PAPOLA: variants seen among roughly 807,000 people sequenced by gnomAD.
The protein encoded by PAPOLA is poly(A) polymerase alpha.
In PAPOLA, 15 loss-of-function variants were observed where a neutral mutation model predicts 100.6. The observed-to-expected ratio is 0.15, with a 90% CI of 0.10 to 0.23. The LOEUF is 0.23. PAPOLA is among the 10% of genes least tolerant of loss of function. The pLI, the probability that PAPOLA is intolerant of heterozygous loss-of-function variation, is 1.00. For synonymous variants in PAPOLA, 293 were observed against 300.0 expected (o/e 0.98, Z 0.24); for missense variants, 533 against 884.2 (o/e 0.60, Z 5.04).
At chr14:96,550,963 G>A (rs979714712) in intron 16 of PAPOLA, among the ~76,000 whole-genome samples, 3 of 152,206 alleles carry the variant, frequency 2.0e-5, no homozygotes, top group Non-Finnish European at 4.4e-5. Context: ...CTGAGGGGTT[G>A]AGAACCTTGC....
At chr14:96,548,481 C>T (rs894702124) in intron 16 of PAPOLA, among the ~76,000 whole-genome samples, 1 of 152,032 alleles carries the variant, frequency 6.6e-6, no homozygotes, top group Non-Finnish European at 1.5e-5. Context: ...CTTATTTGGA[C>T]TTTAGTGAGC....
At chr14:96,516,829 T>C (rs903891966) in intron 1 of PAPOLA, among the ~76,000 whole-genome samples, 2 of 152,232 alleles carry the variant, frequency 1.3e-5, no homozygotes, top group Non-Finnish European at 2.9e-5. Flanking sequence ...ACAAGTCTTG[T>C]GCGCGTTTAG....
chr14:96,532,166 T>G (rs1899077456), intron 7 of PAPOLA, 165 bp from the exon 8 acceptor site: 2 of 1,399,226 alleles, frequency 1.4e-6, no homozygotes, highest in Admixed American at 3.4e-5. Flanking sequence ...GAATTAGCTT[T>G]ACTGGTTCTA....
chr14:96,547,700 GA>G, intron 15 of PAPOLA, 96 bp from the exon 16 acceptor site: 7 of 898,554 alleles, frequency 7.8e-6, no homozygotes, highest in African/African-American at 1.7e-5. Flanking sequence ...AGTATTGATG[GA>G]AAAAGGATCC....
chr14:96,550,044 A>C (rs1900717428), intron 16 of PAPOLA, among the ~76,000 whole-genome samples: 1 of 152,178 alleles, frequency 6.6e-6, no homozygotes, highest in African/African-American at 2.4e-5. Flanking sequence ...GCTACTTGAG[A>C]GGCTGAGGTG....
At chr14:96,562,739 A>T in intron 20 of PAPOLA, 80 bp from the exon 21 acceptor site, 1 of 797,102 alleles carries the variant, frequency 1.3e-6, no homozygotes, top group Non-Finnish European at 2.1e-6. Context: ...TGTCTTCTTT[A>T]TTAGCCACCA....
intron 18 of PAPOLA, 110 bp downstream of exon 18, chr14:96,556,057 C>T: frequency 8.6e-7 from 1 of 1,161,332 alleles, no homozygotes; most frequent in Non-Finnish European, 1.3e-6. Flanking sequence ...TTTTAAATGC[C>T]AGTTTATTTT....
At chr14:96,505,047 A>G (rs1012743038) in intron 1 of PAPOLA, among the ~76,000 whole-genome samples, 2 of 152,174 alleles carry the variant, frequency 1.3e-5, no homozygotes, top group African/African-American at 4.8e-5. Context: ...TTTCATATGT[A>G]GCTACAAACA....
chr14:96,523,777 T>C (rs1195868503), intron 3 of PAPOLA, among the ~76,000 whole-genome samples: 1 of 152,144 alleles, frequency 6.6e-6, no homozygotes, highest in African/African-American at 2.4e-5. Flanking sequence ...ACCCTGTCTC[T>C]ACTAAAAATA....
At chr14:96,531,761 C>T (rs1899040259) in intron 7 of PAPOLA, 175 bp downstream of exon 7, 27 of 1,455,740 alleles carry the variant, frequency 1.9e-5, no homozygotes, top group Non-Finnish European at 2.2e-5. Flanking sequence ...TTATTTCACT[C>T]TACAGTATTT....
chr14:96,561,829 T>TG (rs201527866), intron 20 of PAPOLA, among the ~76,000 whole-genome samples: 2 of 103,002 alleles, frequency 1.9e-5, no homozygotes, highest in Admixed American at 8.8e-5. Flanking sequence ...CAATATTTCG[T>TG]TTTTTTTTTT....
chr14:96,552,575 T>C lies in PAPOLA; in HGVS notation c.1617T>C (p.Thr539=). 4 of 1,614,106 alleles carry C rather than the reference T, an allele frequency of 2.5e-6. No individual in the cohort carries two copies. The highest frequency in any genetic ancestry group is 4.5e-5 in the East Asian group (2 of 44,874). The change falls in exon 17 of 22, where the codon ACT becomes ACC. Residue 539 remains threonine (T), a synonymous_variant. Coordinates refer to ENST00000216277, the MANE Select transcript of PAPOLA (RefSeq NM_032632.5). ...ACAGCATGTCTGTGCCTTCACCTACTAGTGCTACGAAGACCAGTCCATTGA... is the reference window on the plus strand; with the variant it reads ...ACAGCATGTCTGTGCCTTCACCTACCAGTGCTACGAAGACCAGTCCATTGA... ...SDNSMSVPSP[T]SATKTSPLNS...
chr14:96,547,343 ATTAG>A (rs942372688), intron 15 of PAPOLA, among the ~76,000 whole-genome samples: 6 of 152,060 alleles, frequency 3.9e-5, no homozygotes, highest in Non-Finnish European at 5.9e-5. Context: ...AAAGTATGTC[ATTAG>A]TTAGTTTTAT....
intron 9 of PAPOLA, chr14:96,534,193 A>G (rs1899317757): frequency 1.7e-6 from 2 of 1,168,768 alleles, no homozygotes; most frequent in African/African-American, 1.6e-5. Flanking sequence ...GTTGAAGTGG[A>G]CACATCATTA....
intron 9 of PAPOLA, chr14:96,532,900 G>A: frequency 8.6e-7 from 1 of 1,161,408 alleles, no homozygotes; most frequent in Non-Finnish European, 1.1e-6. Context: ...AATAAACTCT[G>A]AATTTTAGCA....
chr14:96,541,283 T>C (rs1358663697), intron 12 of PAPOLA, among the ~76,000 whole-genome samples: 3 of 152,232 alleles, frequency 2.0e-5, no homozygotes, highest in South Asian at 4.1e-4. Flanking sequence ...ACTATACTTA[T>C]AAAATGTGTT....
intron 3 of PAPOLA, among the ~76,000 whole-genome samples, chr14:96,524,342 G>A (rs1472333779): frequency 1.3e-5 from 2 of 152,132 alleles, no homozygotes; most frequent in Non-Finnish European, 2.9e-5. Flanking sequence ...CCCTCTTCCT[G>A]ATGATGCTAC....
chr14:96,517,261 TGTA>T (rs976370482), intron 1 of PAPOLA, among the ~76,000 whole-genome samples: 8 of 152,216 alleles, frequency 5.3e-5, no homozygotes, highest in African/African-American at 1.9e-4. Context: ...TGTGAAGGAC[TGTA>T]GTTTATTCAG....
chr14:96,557,281 G>A (rs375174376), intron 19 of PAPOLA, among the ~76,000 whole-genome samples: 18 of 152,278 alleles, frequency 1.2e-4, no homozygotes, highest in African/African-American at 3.9e-4. Flanking sequence ...CAGCTCCTGG[G>A]CTCAAGCGAT....
Sources: allele counts gnomAD v4.1 joint callset (sites outside exome capture counted in the v4.1 genomes callset), GRCh38; gene constraint gnomAD v4.1.1; transcripts MANE v1.5; gene names NCBI Gene and HGNC (gene_info 2026-07-23, HGNC 2026-07-21).